The following UGGT2 variants were observed in gnomAD, a reference collection of about 807,000 sequenced individuals.
The protein encoded by UGGT2 is UDP-glucose glycoprotein glucosyltransferase 2, also known as UDP-glucose:glycoprotein glucosyltransferase 2.
UGGT2 carries 180 observed loss-of-function variants against 192.1 expected under a neutral mutation model. The observed-to-expected ratio is 0.94, with a 90% CI of 0.83 to 1.06. The LOEUF is 1.06. UGGT2 is among the 50% of genes least tolerant of loss of function. UGGT2 has a pLI of 0.00. For synonymous variants in UGGT2, 580 were observed against 591.0 expected, an observed-to-expected ratio of 0.98 and a Z score of 0.27; for missense variants, 1,849 against 1,795.7, an observed-to-expected ratio of 1.03 and a Z score of -0.54.
rs531110636 is a variant in UGGT2 at position 95,815,813 on chromosome 13, T to G, written c.4529-14001A>C. On this transcript the variant is annotated intron_variant, in intron 38 of 38. Transcript: ENST00000376747. ...GGTTTGGATCTGTGTCCTCACCAAATCTCATCCCCAGTGTTGGAGGTGGGA... is the reference window on the plus strand; with the variant it reads ...GGTTTGGATCTGTGTCCTCACCAAAGCTCATCCCCAGTGTTGGAGGTGGGA... 6.4e-4 allele frequency among the ~76,000 whole-genome samples: 98 copies of G among 152,302 alleles called. No homozygotes were observed. In the East Asian group the frequency reaches 0.016, roughly 25 times the overall value.
At position 95,890,918 on chromosome 13, in the gene UGGT2, T is replaced by A. The variant is rs1356756451; in HGVS notation, c.2902A>T (p.Ile968Phe). The A allele has an allele frequency of 6.2e-7, 1 of 1,612,862 alleles. No individual in the cohort carries two copies. Among genetic ancestry groups the A allele is most frequent in the African/African-American group, 1.3e-5 (1 of 74,882 alleles). The change falls in exon 25 of 39, where the codon ATT becomes TTT. Residue 968 changes from isoleucine (I) to phenylalanine (F), a missense_variant. Coordinates refer to ENST00000376747, the MANE Select transcript of UGGT2 (RefSeq NM_020121.4). Reference protein sequence around the residue: ...PQENDMFFNVIAIVDPLTREA... With the variant: ...PQENDMFFNVFAIVDPLTREA... ...CTTGTTAATGGATCAACAATAGCAA[T>A]GACATTGAAGAACATATCATTCTCT...
rs930357101 is a variant in UGGT2, at chr13:96,032,078, C to T, written c.159-107G>A. On this transcript the variant is annotated intron_variant, in intron 1 of 38. Coordinates refer to ENST00000376747, the MANE Select transcript of UGGT2 (RefSeq NM_020121.4). ...TTATATCTATGGCAAAAACAAAAAC[C>T]CCTAAAAATTAATGTCAAATTACTA... 4 of 670,190 alleles carry T rather than the reference C, an allele frequency of 6.0e-6. No homozygotes were observed. In the African/African-American group the frequency reaches 7.4e-5, roughly 12 times the overall value. 41.5% of individuals were successfully genotyped at this position (670,190 alleles called of 1,614,324 possible). A position where few individuals can be genotyped will look rare whatever the true frequency, so the allele number is the denominator to read the frequency against.
chr13:95,993,180 GAGAACTA>G (rs943853770), intron 7 of UGGT2, among the ~76,000 whole-genome samples: 2 of 152,082 alleles, frequency 1.3e-5, no homozygotes, highest in Non-Finnish European at 2.9e-5. Context: ...ACTTATAAGT[GAGAACTA>G]AGCATTGGGT....
intron 38 of UGGT2, among the ~76,000 whole-genome samples, chr13:95,819,814 A>C (rs1258030003): frequency 6.6e-6 from 1 of 152,214 alleles, no homozygotes; most frequent in African/African-American, 2.4e-5. Flanking sequence ...GAGCTAACAC[A>C]ATGTAGAAAA....
Position 96,031,939 on chromosome 13 carries a change from A to G in UGGT2, c.191T>C (p.Phe64Ser), listed in dbSNP as rs1344943720. The G allele has an allele frequency of 6.2e-7, 1 of 1,611,628 alleles. No homozygotes were observed. The highest frequency in any genetic ancestry group is 8.5e-7 in the Non-Finnish European group (1 of 1,178,946). ...TTGCACAGTTTCCAAAAACTGCCAA[A>G]ATTTTTCATTACTTTCTTCTGCCAT... The part of the protein sequence containing the change: ...EFMAEESNEK[F>S]WQFLETVQEL... Residue 64 changes from phenylalanine to serine, a missense_variant, in exon 2 of 39, where the codon TTT (phenylalanine) becomes TCT (serine). Physicochemically the swap from Phe to Ser is radical, Grantham distance 155 (BLOSUM62 -2). Coordinates refer to ENST00000376747, the MANE Select transcript of UGGT2 (RefSeq NM_020121.4).
chr13:95,821,275 G>A (rs780098255), intron 38 of UGGT2, among the ~76,000 whole-genome samples: 68 of 152,086 alleles, frequency 4.5e-4, no homozygotes, highest in Non-Finnish European at 4.3e-4. Context: ...TTTTCTTCAT[G>A]GCCATTCTTG....
chr13:95,914,808 C>G (rs960673777), intron 20 of UGGT2, among the ~76,000 whole-genome samples: 1 of 149,856 alleles, frequency 6.7e-6, no homozygotes, highest in East Asian at 1.9e-4. Context: ...TTCAAAAAAA[C>G]AAAAACAAAA....
intron 5 of UGGT2, among the ~76,000 whole-genome samples, 155 bp downstream of exon 5, chr13:96,013,152 A>G (rs2052218126): frequency 1.3e-5 from 2 of 152,118 alleles, no homozygotes; most frequent in South Asian, 4.1e-4. Context: ...ACAGAATCCC[A>G]ATATATTTTT....
chr13:95,901,252 T>A (rs2048096982), intron 21 of UGGT2, among the ~76,000 whole-genome samples: 1 of 152,068 alleles, frequency 6.6e-6, no homozygotes, highest in African/African-American at 2.4e-5. Context: ...AAAATGAAAT[T>A]AAATATTTAT....
At chr13:95,841,116 A>AGATGCTTGTT in intron 36 of UGGT2, among the ~76,000 whole-genome samples, 1 of 152,168 alleles carries the variant, frequency 6.6e-6, no homozygotes, top group East Asian at 1.9e-4. Context: ...CTTAAAACCT[A>AGATGCTTGTT]GATGACAGGT....
intron 17 of UGGT2, among the ~76,000 whole-genome samples, chr13:95,928,428 A>G (rs1205958867): frequency 6.6e-6 from 1 of 151,072 alleles, no homozygotes; most frequent in Non-Finnish European, 1.5e-5. Flanking sequence ...GGGGCTCCTC[A>G]CTTCCCAGAT....
Position 95,970,056 on chromosome 13 carries a change from T to C in UGGT2, c.1335+56A>G, listed in dbSNP as rs2050721309. ...TCAGGCCTGCCGATACTTCATTTTA[T>C]GTTAAGCCTTAAGTATACTACAGGT... is the stretch of plus-strand genomic sequence containing the variant. On this transcript the variant is annotated intron_variant, in intron 12 of 38. Transcript: ENST00000376747. 3.3e-6 allele frequency: 5 copies of C among 1,505,832 alleles called. No homozygotes were observed. The South Asian group carries it at 4.9e-5, about 15-fold the overall frequency. 93.3% of individuals were successfully genotyped at this position (1,505,832 alleles called of 1,614,324 possible).
intron 38 of UGGT2, among the ~76,000 whole-genome samples, chr13:95,831,741 C>A (rs1269233679): frequency 6.6e-6 from 1 of 151,890 alleles, no homozygotes; most frequent in Non-Finnish European, 1.5e-5. Flanking sequence ...CTCACCAATG[C>A]TCATTATTAT....
At chr13:95,924,392 G>GTTTTTTTTTT (rs2048946851) in intron 20 of UGGT2, among the ~76,000 whole-genome samples, 2 of 43,448 alleles carry the variant, frequency 4.6e-5, no homozygotes, top group Non-Finnish European at 9.8e-5. Context: ...ATCCCAAACA[G>GTTTTTTTTTT]CTTTTTTTTT....
In UGGT2 at chr13:95,815,415, CA is replaced by C. The variant is rs1380957220; in HGVS notation, c.4529-13604del. On this transcript the variant is annotated intron_variant, in intron 38 of 38. Coordinates refer to ENST00000376747, the MANE Select transcript of UGGT2 (RefSeq NM_020121.4). ...ATAGCAAAGCCACAGGACATAAGTC[CA>C]ATATACAAAAATTAATTGTATTTCT... 2.0e-5 allele frequency among the ~76,000 whole-genome samples: 3 copies of C among 151,928 alleles called. No individual in the cohort carries two copies. The East Asian group carries it at 5.8e-4, about 29-fold the overall frequency.
chr13:95,849,641 C>G (rs1888827585), intron 36 of UGGT2, among the ~76,000 whole-genome samples: 4 of 150,966 alleles, frequency 2.6e-5, no homozygotes, highest in African/African-American at 9.7e-5. Context: ...GACACCTGAT[C>G]TAAGCCCACA....
chr13:95,889,004 G>A (rs1278140750), intron 25 of UGGT2, among the ~76,000 whole-genome samples: 3 of 151,850 alleles, frequency 2.0e-5, no homozygotes, highest in Non-Finnish European at 4.4e-5. Context: ...TATTTTTTTA[G>A]AGACAGGGTC....
At chr13:95,949,082 A>T (rs1388455462) in intron 13 of UGGT2, among the ~76,000 whole-genome samples, 5 of 152,034 alleles carry the variant, frequency 3.3e-5, no homozygotes, top group Non-Finnish European at 1.5e-5. Flanking sequence ...CATGCTGGGG[A>T]GTCAATTATA....
intron 12 of UGGT2, among the ~76,000 whole-genome samples, chr13:95,951,534 A>G (rs951718162): frequency 6.6e-6 from 1 of 152,234 alleles, no homozygotes; most frequent in Non-Finnish European, 1.5e-5. Flanking sequence ...TCAGAATCAT[A>G]CAGAGCCTTC....
Sources: gnomAD v4.1 joint callset for allele counts (sites outside exome capture counted in the v4.1 genomes callset) on GRCh38, gnomAD v4.1.1 for gene constraint, MANE v1.5 for transcripts, NCBI Gene and HGNC (gene_info 2026-07-23, HGNC 2026-07-21) for gene names.